Variants in UFC1 observed in about 807,000 individuals in gnomAD.
The protein encoded by UFC1 is ubiquitin-fold modifier-conjugating enzyme 1.
A neutral mutation model predicts 28.0 loss-of-function variants in UFC1; 22 were observed. The ratio of observed to expected loss-of-function variants is 0.78; its 90% confidence interval spans 0.56 to 1.12. The LOEUF is 1.12. Among genes scored for constraint, UFC1 ranks in the 50% most tolerant of loss-of-function variants. The pLI is 0.00. For missense variants in UFC1, 189 were observed against 207.8 expected, an observed-to-expected ratio of 0.91 and a Z score of 0.56; for synonymous variants, 61 against 74.5, an observed-to-expected ratio of 0.82 and a Z score of 0.93.
In UFC1 at chr1:161,157,943, T is replaced by C. The variant is rs185082831; in HGVS notation, c.333-178T>C. On this transcript the variant is annotated intron_variant, in intron 4 of 5. Transcript: ENST00000368003. Reference sequence around the variant, plus strand: ...AGGAAGAACTTTGGAGGCAGAGATTTTCCCAGGGTCTGCTGGCCTAGTGGG... The same window carrying C: ...AGGAAGAACTTTGGAGGCAGAGATTCTCCCAGGGTCTGCTGGCCTAGTGGG... The C allele has an allele frequency of 3.9e-5, 25 of 648,676 alleles. No homozygotes were observed. The African/African-American group carries it at 4.2e-4, about 11-fold the overall frequency. 40.2% of individuals were successfully genotyped at this position (648,676 alleles called of 1,614,324 possible).
At chr1:161,157,095 C>T in intron 2 of UFC1, 78 bp downstream of exon 2, 1 of 1,514,944 alleles carries the variant, frequency 6.6e-7, no homozygotes, top group Non-Finnish European at 9.2e-7. Context: ...CGCCCACTAC[C>T]AAAGCTGCCC....
Position 161,156,975 on chromosome 1 carries a change from A to C in UFC1, c.149A>C (p.Asp50Ala), listed in dbSNP as rs1557996175. The C allele has an allele frequency of 6.2e-7, 1 of 1,614,132 alleles. No homozygotes were observed. The part of the protein sequence containing the change: ...IRYVENNKNA[D>A]NDWFRLESNK... ...TATGTGGAGAACAACAAGAATGCTG[A>C]CAACGATTGGTTCCGACTGGAGTCC... Residue 50 changes from aspartate to alanine, a missense_variant, in exon 2 of 6, where the codon GAC becomes GCC. Coordinates refer to ENST00000368003, the MANE Select transcript of UFC1 (RefSeq NM_016406.4).
intron 5 of UFC1, 29 bp from the exon 6 acceptor site, chr1:161,158,383 A>C: frequency 6.2e-7 from 1 of 1,613,688 alleles, no homozygotes; most frequent in Non-Finnish European, 8.5e-7. Context: ...GACTGGTAGT[A>C]ATCTCACAGG....
chr1:161,158,044 T>C (rs1319201832), intron 4 of UFC1, 77 bp from the exon 5 acceptor site: 13 of 1,288,218 alleles, frequency 1.0e-5, no homozygotes, highest in African/African-American at 4.4e-5. Context: ...ACTAGTAGTC[T>C]TCCTATGCCC....
chr1:161,157,158 A>T, intron 2 of UFC1, 96 bp from the exon 3 acceptor site: 1 of 1,555,612 alleles, frequency 6.4e-7, no homozygotes, highest in Non-Finnish European at 8.9e-7. Flanking sequence ...CCCAGTTCCC[A>T]TCCTATGAGT....
chr1:161,157,232 T>C (rs1289862996), intron 2 of UFC1, 22 bp from the exon 3 acceptor site: 2 of 1,613,798 alleles, frequency 1.2e-6, no homozygotes, highest in Non-Finnish European at 8.5e-7. Context: ...CAAATTGGAC[T>C]GAGGTTTGGT....
At chr1:161,154,783 C>T (rs1657465668) in intron 1 of UFC1, among the ~76,000 whole-genome samples, 1 of 152,184 alleles carries the variant, frequency 6.6e-6, no homozygotes, top group African/African-American at 2.4e-5. Flanking sequence ...GCCACCGCGC[C>T]TGGCCTCACT....
At chr1:161,154,373 C>T (rs1330460934) in intron 1 of UFC1, among the ~76,000 whole-genome samples, 1 of 152,128 alleles carries the variant, frequency 6.6e-6, no homozygotes, top group Non-Finnish European at 1.5e-5. Context: ...ATACGCTTCC[C>T]CAGAAGGTGA....
chr1:161,157,057 A>T, intron 2 of UFC1, 40 bp downstream of exon 2: 1 of 1,600,996 alleles, frequency 6.2e-7, no homozygotes, highest in Non-Finnish European at 8.6e-7. Context: ...TGGGAGTCTT[A>T]TATGAGTTAG....
rs1382580197 is a variant in UFC1, at chr1:161,154,080, G to A, written c.83G>A (p.Trp28Ter). 6.2e-7 allele frequency: 1 copy of A among 1,613,986 alleles called. No individual in the cohort carries two copies. The highest frequency in any genetic ancestry group is 8.5e-7 in the Non-Finnish European group (1 of 1,180,028). Residue 28 changes from tryptophan to a stop codon, truncating the protein, a stop_gained, in exon 1 of 6, where the codon TGG becomes TAG. Coordinates refer to ENST00000368003, the MANE Select transcript of UFC1 (RefSeq NM_016406.4). LOFTEE classifies it high-confidence loss of function. The part of the protein sequence containing the change: ...TNAGPRDREL[W>*]VQRLKEEYQS... The stretch of plus-strand genomic sequence containing the variant: ...GCCGGACCCCGAGATCGTGAGTTGT[G>A]GGTGCAGCGACTGAAGGAGGAATAT...
At position 161,157,620 on chromosome 1, in the gene UFC1, C is replaced by G; in HGVS notation, c.259C>G (p.Pro87Ala). The G allele has an allele frequency of 6.2e-7, 1 of 1,613,460 alleles. No individual in the cohort carries two copies. Among genetic ancestry groups the G allele is most frequent in the East Asian group, 2.2e-5 (1 of 44,874 alleles). ...TAAGGTTTTATAATTTCTCCAGATT[C>G]CTATCACATATCCTACTACTGCCCC... ...KYEFDIEFDI[P>A]ITYPTTAPEI... The change falls in exon 4 of 6, where the codon CCT (proline) becomes GCT (alanine). Residue 87 changes from proline (P) to alanine (A), a missense_variant. Transcript: ENST00000368003.
chr1:161,155,623 C>G (rs905971976), intron 1 of UFC1, among the ~76,000 whole-genome samples: 1 of 152,102 alleles, frequency 6.6e-6, no homozygotes, highest in Non-Finnish European at 1.5e-5. Flanking sequence ...CTCAGCGAAA[C>G]AAAAGGCAAT....
At chr1:161,155,972 T>C (rs1280317594) in intron 1 of UFC1, among the ~76,000 whole-genome samples, 1 of 152,206 alleles carries the variant, frequency 6.6e-6, no homozygotes, top group Non-Finnish European at 1.5e-5. Flanking sequence ...CTGGGAGTCA[T>C]TAGCCTGTGG....
rs912923745 is a variant in UFC1, at chr1:161,157,820, C to G, written c.332+127C>G. Reference sequence around the variant, plus strand: ...CTTGATGTCTGGGTGATGGGATGATCTATGTGTAAATCACCATGGCACGTT... The same window carrying G: ...CTTGATGTCTGGGTGATGGGATGATGTATGTGTAAATCACCATGGCACGTT... On this transcript the variant is annotated intron_variant, in intron 4 of 5. Coordinates refer to ENST00000368003, the MANE Select transcript of UFC1 (RefSeq NM_016406.4). 8 of 794,714 alleles carry G rather than the reference C, an allele frequency of 1.0e-5. No homozygotes were observed. In the Admixed American group the frequency reaches 1.1e-4, roughly 11 times the overall value. The allele number at this position is 794,714 out of a possible 1,614,324, so 49.2% of individuals were successfully genotyped here.
In UFC1 at chr1:161,158,594, C is replaced by A; in HGVS notation, c.*102C>A. 2.4e-6 allele frequency: 3 copies of A among 1,255,876 alleles called. No homozygotes were observed. Among genetic ancestry groups the A allele is most frequent in the South Asian group, 1.2e-5 (1 of 80,272 alleles). 77.8% of individuals were successfully genotyped at this position (1,255,876 alleles called of 1,614,324 possible). On this transcript the variant is annotated 3_prime_UTR_variant, in exon 6 of 6. Coordinates refer to ENST00000368003, the MANE Select transcript of UFC1 (RefSeq NM_016406.4). ...TCATCTAACTGCTTCCCCGGACACC[C>A]TCCACCTCTAGTTGTTACTAAGTAG...
intron 1 of UFC1, among the ~76,000 whole-genome samples, chr1:161,155,073 T>C (rs965133691): frequency 6.6e-6 from 1 of 151,646 alleles, no homozygotes; most frequent in Non-Finnish European, 1.5e-5. Context: ...CTTACTGAGG[T>C]AGACAAAACC....
At chr1:161,157,113 T>C in intron 2 of UFC1, 96 bp downstream of exon 2, 1 of 1,495,634 alleles carries the variant, frequency 6.7e-7, no homozygotes, top group Non-Finnish European at 9.3e-7. Context: ...CCCTGTCACA[T>C]GTTAGCTGTC....
chr1:161,154,262 T>C, intron 1 of UFC1, 142 bp downstream of exon 1: 1 of 1,388,156 alleles, frequency 7.2e-7, no homozygotes, highest in South Asian at 1.4e-5. Flanking sequence ...ATTGTGGGGC[T>C]CGGGGACTAA....
In UFC1 at chr1:161,154,023, T is replaced by A. The variant is rs776461039; in HGVS notation, c.26T>A (p.Val9Asp). Residue 9 changes from valine (V) to aspartate (D), a missense_variant, in exon 1 of 6, where the codon GTT (valine) becomes GAT (aspartate). Coordinates refer to ENST00000368003, the MANE Select transcript of UFC1 (RefSeq NM_016406.4). Reference protein sequence around the residue: MADEATRRVVSEIPVLKTN... With the variant: MADEATRRDVSEIPVLKTN... Reference sequence around the variant, plus strand: ...ATGGCGGATGAAGCCACGCGACGTGTTGTGTCTGAGATCCCGGTGCTGAAG... The same window carrying A: ...ATGGCGGATGAAGCCACGCGACGTGATGTGTCTGAGATCCCGGTGCTGAAG... 1.5e-5 allele frequency: 25 copies of A among 1,613,976 alleles called. 1 individual carries two copies. Among genetic ancestry groups the A allele is most frequent in the Non-Finnish European group, 1.9e-5 (23 of 1,180,026 alleles).
Sources: allele counts gnomAD v4.1 joint callset (sites outside exome capture counted in the v4.1 genomes callset), GRCh38; gene constraint gnomAD v4.1.1; transcripts MANE v1.5; gene names NCBI Gene and HGNC (gene_info 2026-07-23, HGNC 2026-07-21).